The following SASH1 variants were observed in gnomAD, a reference collection of about 807,000 sequenced individuals.
SASH1 encodes SAM and SH3 domain containing 1.
In SASH1, 44 loss-of-function variants were observed where a neutral mutation model predicts 125.2. That is an observed-to-expected ratio of 0.35 (90% CI 0.28 to 0.45). SASH1 has a LOEUF of 0.45. Ranked by LOEUF, SASH1 falls within the 20% of genes least tolerant of loss-of-function variation. SASH1 has a pLI of 1.00. For synonymous variants in SASH1, 639 were observed against 649.1 expected (o/e 0.98, Z 0.24); for missense variants, 1,426 against 1,614.5 (o/e 0.88, Z 2.00).
At chr6:148,355,305 A>G (rs1353639120) in intron 1 of SASH1, among the ~76,000 whole-genome samples, 7 of 152,278 alleles carry the variant, frequency 4.6e-5, no homozygotes, top group African/African-American at 2.4e-5. Context: ...CTTCTGCAAC[A>G]TGTTGTTGTA....
chr6:148,373,166 G>C (rs1295672548), intron 1 of SASH1, among the ~76,000 whole-genome samples: 1 of 152,144 alleles, frequency 6.6e-6, no homozygotes, highest in African/African-American at 2.4e-5. Flanking sequence ...ACTCCAGCCT[G>C]GGCAACAAGA....
rs1455286236 is a variant in SASH1, at chr6:148,486,993, A to G, written c.628-621A>G. On this transcript the variant is annotated intron_variant, in intron 7 of 19. Coordinates refer to ENST00000367467, the MANE Select transcript of SASH1 (RefSeq NM_015278.5). The stretch of plus-strand genomic sequence containing the variant: ...TATATATATATATATATATATATAT[A>G]TGTATTTGCTTATATATATGTTTTT... Among the ~76,000 whole-genome samples, 42 of 75,836 alleles carry G rather than the reference A, an allele frequency of 5.5e-4. 1 individual carries two copies. Among genetic ancestry groups the G allele is most frequent in the African/African-American group, 2.1e-3 (38 of 18,430 alleles). 49.8% of individuals were successfully genotyped at this position (75,836 alleles called of 152,430 possible). A position where few individuals can be genotyped will look rare whatever the true frequency, so the allele number is the denominator to read the frequency against.
At position 148,508,419 on chromosome 6, in the gene SASH1, C is replaced by G. The variant is rs186251226; in HGVS notation, c.730-5905C>G. On this transcript the variant is annotated intron_variant, in intron 8 of 19. Transcript: ENST00000367467. ...TGTCCTGGATTTGCTCAGATTCTCG[C>G]GTTCTTTTTTCTGTCTCTGGAATTC... is the stretch of plus-strand genomic sequence containing the variant. 4.2e-3 allele frequency: 4,044 copies of G among 965,782 alleles called. 23 individuals carry two copies. The highest frequency in any genetic ancestry group is 6.7e-3 in the Admixed American group (123 of 18,232). 59.8% of individuals were successfully genotyped at this position (965,782 alleles called of 1,614,324 possible). A position where few individuals can be genotyped will look rare whatever the true frequency, so the allele number is the denominator to read the frequency against.
the SASH1 span, among the ~76,000 whole-genome samples, chr6:148,234,364 A>G: frequency 4.0e-5 from 6 of 151,874 alleles, no homozygotes; most frequent in Non-Finnish European, 5.9e-5. Flanking sequence ...TTAAGTTTGA[A>G]TGTCATTGTG....
rs1174644909 is a variant in SASH1 at position 148,302,311 on chromosome 6, C to CAAAAAAA, written n.74+29958_74+29964dup. On this transcript the variant is annotated intron_variant and non_coding_transcript_variant, in intron 1 of 3. Transcript: ENST00000367469. ...TGGGCGACAGAGCAAGACTCCGTCTCAAAAAAAAAAAAAAAAAAAAAAAAA... is the reference window on the plus strand; with the variant it reads ...TGGGCGACAGAGCAAGACTCCGTCTCAAAAAAAAAAAAAAAAAAAAAAAAAAAAAAAA... 6.7e-5 allele frequency among the ~76,000 whole-genome samples: 3 copies of CAAAAAAA among 44,886 alleles called. 1 individual carries two copies. The highest frequency in any genetic ancestry group is 8.1e-4 in the Admixed American group (2 of 2,480). 29.4% of individuals were successfully genotyped at this position (44,886 alleles called of 152,430 possible).
At chr6:148,427,159 A>C (rs569407237) in intron 2 of SASH1, among the ~76,000 whole-genome samples, 1 of 152,086 alleles carries the variant, frequency 6.6e-6, no homozygotes, top group African/African-American at 2.4e-5. Flanking sequence ...AAAAAAGCAA[A>C]GGAGATCACT....
the SASH1 span, among the ~76,000 whole-genome samples, chr6:148,266,754 C>A: frequency 2.0e-5 from 3 of 151,690 alleles, no homozygotes; most frequent in Non-Finnish European, 4.4e-5. Flanking sequence ...GTGTGCACCA[C>A]CATGCCCAGC....
chr6:148,310,812 T>C (rs1340725545), intron 1 of SASH1, among the ~76,000 whole-genome samples: 1 of 152,176 alleles, frequency 6.6e-6, no homozygotes, highest in Non-Finnish European at 1.5e-5. Context: ...AGAATGACTT[T>C]TAAAAAAAAA....
At chr6:148,515,698 G>A (rs551804964) in intron 9 of SASH1, among the ~76,000 whole-genome samples, 1 of 152,240 alleles carries the variant, frequency 6.6e-6, no homozygotes, top group South Asian at 2.1e-4. Context: ...ATACCTGCCC[G>A]CCAGTCGTGA....
intron 4 of SASH1, among the ~76,000 whole-genome samples, chr6:148,463,434 G>T (rs958986400): frequency 6.6e-6 from 1 of 152,112 alleles, no homozygotes; most frequent in East Asian, 1.9e-4. Flanking sequence ...CAGACACTGC[G>T]CCCAGCTGCG....
In SASH1 at chr6:148,368,779, C is replaced by CACACACACACACACACAT. The variant is rs1782591430; in HGVS notation, c.157-21339_157-21338insATACACACACACACACAC. ...GCGCGCGCACGCGCGCGCACACACA[C>CACACACACACACACACAT]ACACACACACACACACGGGGTTCTA... On this transcript the variant is annotated intron_variant, in intron 1 of 19. Transcript: ENST00000367467. 2.0e-5 allele frequency among the ~76,000 whole-genome samples: 3 copies of CACACACACACACACACAT among 151,860 alleles called. No individual in the cohort carries two copies. In the South Asian group the frequency reaches 6.3e-4, roughly 32 times the overall value.
intron 1 of SASH1, among the ~76,000 whole-genome samples, chr6:148,302,772 G>GTA (rs1261660653): frequency 4.8e-5 from 7 of 146,414 alleles, no homozygotes; most frequent in South Asian, 2.1e-4. Flanking sequence ...CTGTGTGTGT[G>GTA]TATATATATA....
chr6:148,446,277 T>G (rs995429218), intron 4 of SASH1, among the ~76,000 whole-genome samples: 4 of 151,630 alleles, frequency 2.6e-5, no homozygotes, highest in South Asian at 2.1e-4. Flanking sequence ...CCCAGCTAAT[T>G]TTTTGTATTT....
chr6:148,354,637 T>C (rs1254660889), intron 1 of SASH1, among the ~76,000 whole-genome samples: 1 of 152,216 alleles, frequency 6.6e-6, no homozygotes, highest in East Asian at 1.9e-4. Flanking sequence ...CATATAACAA[T>C]GGCCCCACCA....
rs188031308 is a variant in SASH1 at position 148,471,541 on chromosome 6, G to A, written c.514+38G>A. On this transcript the variant is annotated intron_variant, in intron 6 of 19. Transcript: ENST00000367467. ...AGCTGGCGGACAGTAGGTCCTTTTA[G>A]CTCTAACATGGGAAGAATCCTATGC... 3.9e-4 allele frequency: 473 copies of A among 1,222,192 alleles called. 3 individuals carry two copies. In the Middle Eastern group the frequency reaches 4.6e-3, roughly 12 times the overall value. The allele number at this position is 1,222,192 out of a possible 1,614,324, so 75.7% of individuals were successfully genotyped here. A position where few individuals can be genotyped will look rare whatever the true frequency, so the allele number is the denominator to read the frequency against.
the SASH1 span, among the ~76,000 whole-genome samples, chr6:148,240,476 A>G: frequency 1.4e-4 from 21 of 152,358 alleles, no homozygotes; most frequent in African/African-American, 4.8e-4. Context: ...TTGGTTTACA[A>G]TTAAGTCATT....
the SASH1 span, among the ~76,000 whole-genome samples, chr6:148,226,874 G>A: frequency 6.6e-6 from 1 of 152,126 alleles, no homozygotes; most frequent in Non-Finnish European, 1.5e-5. Context: ...ATATGTCTCT[G>A]CCTACAACAC....
chr6:148,406,776 C>A (rs1784393062), intron 2 of SASH1, among the ~76,000 whole-genome samples: 1 of 150,092 alleles, frequency 6.7e-6, no homozygotes, highest in Non-Finnish European at 1.5e-5. Context: ...ATCAGGCTCT[C>A]CAAGGGAGGA....
the SASH1 span, among the ~76,000 whole-genome samples, chr6:148,198,520 CATAA>C: frequency 6.6e-6 from 1 of 152,116 alleles, no homozygotes; most frequent in Non-Finnish European, 1.5e-5. Flanking sequence ...TTATATTTGA[CATAA>C]ATAAAGTGTG....
Sources: gnomAD v4.1 joint callset for allele counts (sites outside exome capture counted in the v4.1 genomes callset) on GRCh38, gnomAD v4.1.1 for gene constraint, MANE v1.5 for transcripts, NCBI Gene and HGNC (gene_info 2026-07-23, HGNC 2026-07-21) for gene names.